KDM3B: variants seen among roughly 807,000 people sequenced by gnomAD.
KDM3B encodes lysine demethylase 3B, also known as lysine-specific demethylase 3B.
In KDM3B, 10 loss-of-function variants were observed where a neutral mutation model predicts 170.0. That is an observed-to-expected ratio of 0.06 (90% confidence interval 0.04 to 0.10). The LOEUF is 0.10. Ranked by LOEUF, KDM3B falls within the 10% of genes least tolerant of loss-of-function variation. The pLI, the probability that KDM3B is intolerant of heterozygous loss-of-function variation, is 1.00. For missense variants in KDM3B, 1,394 were observed against 2,195.2 expected (o/e 0.64, Z 7.29); for synonymous variants, 831 against 834.8 (o/e 1.00, Z 0.08).
At chr5:138,373,540 C>T (rs573844520) in intron 2 of KDM3B, among the ~76,000 whole-genome samples, 13 of 151,886 alleles carry the variant, frequency 8.6e-5, no homozygotes, top group Admixed American at 2.6e-4. Context: ...AATCAGAGCT[C>T]GGTGCAATCA....
intron 1 of KDM3B, among the ~76,000 whole-genome samples, chr5:138,367,576 A>G (rs1022390024): frequency 5.3e-5 from 8 of 152,220 alleles, no homozygotes; most frequent in Non-Finnish European, 1.0e-4. Flanking sequence ...TTTCTTAACT[A>G]ATAAAATACT....
intron 13 of KDM3B, among the ~76,000 whole-genome samples, chr5:138,418,381 G>C (rs1393715881): frequency 6.6e-6 from 1 of 152,014 alleles, no homozygotes; most frequent in African/African-American, 2.4e-5. Flanking sequence ...CACCTGGCCT[G>C]GTTTTCTCTT....
In KDM3B at chr5:138,398,500, T is replaced by C. The variant is rs148463825; in HGVS notation, c.3046+108T>C. 2.1e-5 allele frequency: 19 copies of C among 908,084 alleles called. No homozygotes were observed. In the African/African-American group the frequency reaches 3.0e-4, roughly 14 times the overall value. The allele number at this position is 908,084 out of a possible 1,614,324, so 56.3% of individuals were successfully genotyped here. A position where few individuals can be genotyped will look rare whatever the true frequency, so the allele number is the denominator to read the frequency against. On this transcript the variant is annotated intron_variant, in intron 10 of 23. Coordinates refer to ENST00000314358, the MANE Select transcript of KDM3B (RefSeq NM_016604.4). ...AGTGGCAGATGGCATTTTCTGTGAA[T>C]GAATTAAGACCGATAAGACTTCTCT...
intron 1 of KDM3B, among the ~76,000 whole-genome samples, chr5:138,355,912 C>CA (rs1229736458): frequency 2.6e-5 from 4 of 152,178 alleles, no homozygotes; most frequent in African/African-American, 9.7e-5. Flanking sequence ...AATGCTAGTA[C>CA]AAAAAACATG....
At chr5:138,393,602 G>A (rs1346261203) in intron 9 of KDM3B, among the ~76,000 whole-genome samples, 1 of 152,194 alleles carries the variant, frequency 6.6e-6, no homozygotes, top group Admixed American at 6.5e-5. Flanking sequence ...AGTGTTAGCT[G>A]CAGCTCTGTG....
chr5:138,415,740 G>A lies in KDM3B; in HGVS notation c.3307+501G>A, dbSNP rs181628326. Among the ~76,000 whole-genome samples, 8 of 151,488 alleles carry A rather than the reference G, an allele frequency of 5.3e-5. No individual in the cohort carries two copies. The East Asian group carries it at 9.8e-4, about 19-fold the overall frequency. On this transcript the variant is annotated intron_variant, in intron 12 of 23. Transcript: ENST00000314358. ...ACTGGGAGTATAACTGTGAGCCACC[G>A]TGCTGAGCCAAATTTGGATCTTTAG...
chr5:138,365,849 A>T (rs529389706), intron 1 of KDM3B, among the ~76,000 whole-genome samples: 1 of 152,050 alleles, frequency 6.6e-6, no homozygotes, highest in East Asian at 1.9e-4. Flanking sequence ...AAATACAAAA[A>T]TTAGCCGGGC....
At chr5:138,386,675 C>T (rs1389025633) in intron 7 of KDM3B, 54 bp downstream of exon 7, 72 of 1,558,130 alleles carry the variant, frequency 4.6e-5, no homozygotes, top group Non-Finnish European at 6.2e-5. Context: ...TTTCGCCCTC[C>T]TTTATTGCTA....
chr5:138,371,678 C>T (rs1489561203), intron 1 of KDM3B, among the ~76,000 whole-genome samples: 1 of 152,082 alleles, frequency 6.6e-6, no homozygotes, highest in African/African-American at 2.4e-5. Flanking sequence ...TAAGAATCCA[C>T]ATGCAGCTGG....
At chr5:138,353,737 G>A (rs975734101) in intron 1 of KDM3B, among the ~76,000 whole-genome samples, 8 of 152,270 alleles carry the variant, frequency 5.3e-5, no homozygotes, top group African/African-American at 1.9e-4. Flanking sequence ...GTTTTGTTTT[G>A]AAACTTTGTG....
chr5:138,430,884 C>G (rs559633954), intron 22 of KDM3B, among the ~76,000 whole-genome samples: 136 of 151,578 alleles, frequency 9.0e-4, no homozygotes, highest in Middle Eastern at 6.8e-3. Context: ...GAGCGAAACT[C>G]AGTCTCAAAA....
intron 10 of KDM3B, 61 bp downstream of exon 10, chr5:138,398,453 A>G: frequency 6.9e-7 from 1 of 1,451,910 alleles, no homozygotes; most frequent in South Asian, 1.2e-5. Context: ...ATTTTCTTTC[A>G]CTTAACGGGA....
chr5:138,384,740 CAAAAAAAAAA>C (rs58389517), intron 6 of KDM3B, among the ~76,000 whole-genome samples: 32 of 85,946 alleles, frequency 3.7e-4, no homozygotes, highest in East Asian at 1.0e-3. Context: ...ACTCTTGTCT[CAAAAAAAAAA>C]AAAAAAAAAA....
chr5:138,353,943 T>A (rs1761391869), intron 1 of KDM3B, among the ~76,000 whole-genome samples: 1 of 152,148 alleles, frequency 6.6e-6, no homozygotes, highest in Non-Finnish European at 1.5e-5. Flanking sequence ...GAGATAAGGC[T>A]ATGAAAAATG....
chr5:138,408,925 G>C (rs376350954), intron 11 of KDM3B, among the ~76,000 whole-genome samples: 1 of 152,142 alleles, frequency 6.6e-6, no homozygotes, highest in African/African-American at 2.4e-5. Flanking sequence ...TGCCCTTTCA[G>C]GGGGCCATAA....
At chr5:138,370,883 A>G (rs1761856991) in intron 1 of KDM3B, among the ~76,000 whole-genome samples, 1 of 151,270 alleles carries the variant, frequency 6.6e-6, no homozygotes, top group Non-Finnish European at 1.5e-5. Context: ...ATCTCAGCTC[A>G]CTGCAACCTC....
At chr5:138,377,664 T>G in intron 3 of KDM3B, 56 bp from the exon 4 acceptor site, 2 of 1,229,566 alleles carry the variant, frequency 1.6e-6, no homozygotes, top group East Asian at 2.3e-5. Context: ...CTCAGCTGAT[T>G]AGATGTTTGC....
intron 11 of KDM3B, among the ~76,000 whole-genome samples, chr5:138,412,285 G>A (rs932503836): frequency 4.6e-5 from 7 of 151,324 alleles, no homozygotes; most frequent in African/African-American, 1.5e-4. Context: ...GCAGTGAGCC[G>A]AAATTGCACC....
chr5:138,383,759 G>A (rs1762182250), intron 6 of KDM3B, among the ~76,000 whole-genome samples: 1 of 152,034 alleles, frequency 6.6e-6, no homozygotes, highest in Admixed American at 6.6e-5. Flanking sequence ...GAACAGCCTG[G>A]CCAACATGAT....
Sources: allele counts gnomAD v4.1 joint callset (sites outside exome capture counted in the v4.1 genomes callset), GRCh38; gene constraint gnomAD v4.1.1; transcripts MANE v1.5; gene names NCBI Gene and HGNC (gene_info 2026-07-23, HGNC 2026-07-21).